CRISP1: variants seen among roughly 807,000 people sequenced by gnomAD.
CRISP1 encodes cysteine rich secretory protein 1, also known as cysteine-rich secretory protein 1.
Under a neutral mutation model 33.1 loss-of-function variants are expected in CRISP1, and 44 were observed. That is an observed-to-expected ratio of 1.33 (90% CI 1.05 to 1.71). The LOEUF (loss-of-function observed/expected upper bound fraction) is 1.71, where lower values mean the gene tolerates loss of function less well. CRISP1 is among the 40% of genes most tolerant of loss of function. The pLI, the probability that CRISP1 is intolerant of heterozygous loss-of-function variation, is 0.00. For missense variants in CRISP1, 390 were observed against 301.2 expected (o/e 1.29, Z -2.18); for synonymous variants, 103 against 98.7 (o/e 1.04, Z -0.26).
At position 49,844,754 on chromosome 6, in the gene CRISP1, C is replaced by G. The variant is rs6904558; in HGVS notation, c.435+1766G>C. Reference sequence around the variant, plus strand: ...GCCTGGTTTTGGATTTGCCTGGGACCCATTGCTGCTTCCTTTTCTATTTCT... The same window carrying G: ...GCCTGGTTTTGGATTTGCCTGGGACGCATTGCTGCTTCCTTTTCTATTTCT... On this transcript the variant is annotated intron_variant, in intron 5 of 7. Coordinates refer to ENST00000335847, the MANE Select transcript of CRISP1 (RefSeq NM_001131.3). 1.8e-3 allele frequency among the ~76,000 whole-genome samples: 279 copies of G among 152,254 alleles called. 1 individual carries two copies. Among genetic ancestry groups the G allele is most frequent in the African/African-American group, 6.6e-3 (273 of 41,556 alleles).
chr6:49,859,533 C>T (rs1771587130), intron 1 of CRISP1, among the ~76,000 whole-genome samples: 1 of 151,910 alleles, frequency 6.6e-6, no homozygotes, highest in Non-Finnish European at 1.5e-5. Flanking sequence ...TTAGACTGGC[C>T]TTACCAGTAA....
chr6:49,842,629 G>A (rs560211395), intron 5 of CRISP1, among the ~76,000 whole-genome samples: 3 of 152,148 alleles, frequency 2.0e-5, no homozygotes, highest in South Asian at 2.1e-4. Context: ...ACTCACCTTC[G>A]CATTAATGTT....
At chr6:49,866,386 T>C (rs1201314584) in intron 1 of CRISP1, 43 bp downstream of exon 1, 1 of 152,156 alleles carries the variant, frequency 6.6e-6, no homozygotes, top group Non-Finnish European at 1.5e-5. Context: ...TTATGAATCT[T>C]ATTTTCAAAT....
At chr6:49,853,981 G>T (rs1022249988) in intron 2 of CRISP1, among the ~76,000 whole-genome samples, 1 of 152,058 alleles carries the variant, frequency 6.6e-6, no homozygotes, top group Non-Finnish European at 1.5e-5. Context: ...CAATTCTAAT[G>T]AATTGTTTGA....
intron 1 of CRISP1, among the ~76,000 whole-genome samples, chr6:49,865,884 A>T (rs1771788224): frequency 1.3e-5 from 2 of 152,282 alleles, no homozygotes; most frequent in South Asian, 4.1e-4. Context: ...GGGGCCCATC[A>T]CTAGTTCTCA....
At chr6:49,873,824 C>A (rs1771976663) in intron 1 of CRISP1, among the ~76,000 whole-genome samples, 1 of 151,970 alleles carries the variant, frequency 6.6e-6, no homozygotes, top group African/African-American at 2.4e-5. Flanking sequence ...ACCCACTTGA[C>A]CTCCAGATTT....
chr6:49,852,072 C>T lies in CRISP1; in HGVS notation c.124G>A (p.Glu42Lys). The stretch of plus-strand genomic sequence containing the variant: ...GCGTTGTGTATATTAACGATCTCTT[C>T]TTGTACATTTGGCAAGTCGGTGACG... ...KLVTDLPNVQ[E>K]EIVNIHNALR... Residue 42 changes from glutamate to lysine, a missense_variant, in exon 3 of 8, where the codon GAA becomes AAA. Physicochemically the swap from Glu to Lys is moderately conservative, Grantham distance 56. Transcript: ENST00000335847. 1 of 1,613,338 alleles carries T rather than the reference C, an allele frequency of 6.2e-7. No individual in the cohort carries two copies. Among genetic ancestry groups the T allele is most frequent in the Non-Finnish European group, 8.5e-7 (1 of 1,179,556 alleles).
intron 5 of CRISP1, 104 bp from the exon 6 acceptor site, chr6:49,841,099 G>T: frequency 1.9e-6 from 2 of 1,042,998 alleles, no homozygotes; most frequent in Non-Finnish European, 2.8e-6. Context: ...TTGCTTTTAG[G>T]TTTACTTTGG....
At chr6:49,837,713 A>T (rs7743073) in intron 7 of CRISP1, among the ~76,000 whole-genome samples, 139,408 of 152,104 alleles carry the variant, frequency 0.92, 63,956 homozygotes, top group East Asian at 0.96. Flanking sequence ...ATATTTTTCT[A>T]AGGTTTATTT....
intron 5 of CRISP1, 136 bp downstream of exon 5, chr6:49,846,384 A>C (rs940646477): frequency 3.3e-5 from 30 of 898,280 alleles, no homozygotes; most frequent in Admixed American, 8.3e-5. Context: ...TCTATTTCAA[A>C]TTATAAGAGG....
chr6:49,872,933 T>C (rs890993521), intron 1 of CRISP1, among the ~76,000 whole-genome samples: 12 of 152,112 alleles, frequency 7.9e-5, no homozygotes, highest in Non-Finnish European at 1.5e-4. Context: ...TCCAATTCTG[T>C]GAAGAAAGTC....
At chr6:49,876,414 A>T (rs992248201) in intron 1 of CRISP1, among the ~76,000 whole-genome samples, 1 of 152,100 alleles carries the variant, frequency 6.6e-6, no homozygotes, top group Non-Finnish European at 1.5e-5. Flanking sequence ...GCAGAGAAAA[A>T]GGAATGCTTT....
At chr6:49,844,815 C>A (rs771632275) in intron 5 of CRISP1, among the ~76,000 whole-genome samples, 36 of 152,136 alleles carry the variant, frequency 2.4e-4, no homozygotes, top group Admixed American at 3.9e-4. Flanking sequence ...CTATGCCTGT[C>A]TTTCTGTTGT....
chr6:49,861,020 A>T (rs1423935142), intron 1 of CRISP1, among the ~76,000 whole-genome samples: 1 of 152,096 alleles, frequency 6.6e-6, no homozygotes, highest in Non-Finnish European at 1.5e-5. Context: ...TCCTGGAGAC[A>T]TACAACCTAC....
intron 5 of CRISP1, among the ~76,000 whole-genome samples, chr6:49,843,294 A>C (rs1340058463): frequency 6.6e-6 from 1 of 152,210 alleles, no homozygotes; most frequent in Non-Finnish European, 1.5e-5. Flanking sequence ...AAGTGTATCA[A>C]TCTTAAAAGA....
At position 49,838,318 on chromosome 6, in the gene CRISP1, T is replaced by C. The variant is rs541565669; in HGVS notation, c.622+119A>G. Reference sequence around the variant, plus strand: ...GGGAGGGGTAAGCAGAAATAATTTGTACATGAATGAGATGAAAGTTGTAGA... The same window carrying C: ...GGGAGGGGTAAGCAGAAATAATTTGCACATGAATGAGATGAAAGTTGTAGA... On this transcript the variant is annotated intron_variant, in intron 7 of 7. Coordinates refer to ENST00000335847, the MANE Select transcript of CRISP1 (RefSeq NM_001131.3). 3.4e-5 allele frequency: 25 copies of C among 738,612 alleles called. No homozygotes were observed. The South Asian group carries it at 4.3e-4, about 13-fold the overall frequency. The allele number at this position is 738,612 out of a possible 1,614,324, so 45.8% of individuals were successfully genotyped here.
chr6:49,839,997 G>A (rs1044916655), intron 6 of CRISP1, among the ~76,000 whole-genome samples: 2 of 152,090 alleles, frequency 1.3e-5, no homozygotes, highest in African/African-American at 4.8e-5. Flanking sequence ...GGGAGGCAGT[G>A]GTTAAGCACC....
chr6:49,860,886 C>A (rs191892250), intron 1 of CRISP1, among the ~76,000 whole-genome samples: 1 of 151,704 alleles, frequency 6.6e-6, no homozygotes, highest in Non-Finnish European at 1.5e-5. Flanking sequence ...AGAGAAGACC[C>A]AAATAAACAA....
At chr6:49,873,079 G>A (rs1476222663) in intron 1 of CRISP1, among the ~76,000 whole-genome samples, 1 of 151,894 alleles carries the variant, frequency 6.6e-6, no homozygotes, top group Non-Finnish European at 1.5e-5. Context: ...TAAATGACGA[G>A]TTACTTGGTG....
Sources: allele counts gnomAD v4.1 joint callset (sites outside exome capture counted in the v4.1 genomes callset), GRCh38; gene constraint gnomAD v4.1.1; transcripts MANE v1.5; gene names NCBI Gene and HGNC (gene_info 2026-07-23, HGNC 2026-07-21).